Variants in CSMD3 observed in about 807,000 individuals in gnomAD.
The protein encoded by CSMD3 is CUB and Sushi multiple domains 3, also known as CUB and sushi domain-containing protein 3.
A neutral mutation model predicts 435.2 loss-of-function variants in CSMD3; 177 were observed. That is an observed-to-expected ratio of 0.41 (90% CI 0.36 to 0.46). CSMD3 has a LOEUF of 0.46. Among genes scored for constraint, CSMD3 ranks in the 20% least tolerant of loss-of-function variants. The pLI is 0.34. For missense variants in CSMD3, 4,265 were observed against 4,504.6 expected, an observed-to-expected ratio of 0.95 and a Z score of 1.52; for synonymous variants, 1,656 against 1,520.5, an observed-to-expected ratio of 1.09 and a Z score of -2.07.
At chr8:113,047,961 A>C (rs2087908152) in intron 5 of CSMD3, among the ~76,000 whole-genome samples, 1 of 151,946 alleles carries the variant, frequency 6.6e-6, no homozygotes, top group South Asian at 2.1e-4. Context: ...ATCTTGTTTT[A>C]TATGTATGCT....
chr8:112,572,433 T>A (rs1829606461), intron 24 of CSMD3, among the ~76,000 whole-genome samples: 1 of 152,098 alleles, frequency 6.6e-6, no homozygotes. Context: ...TGTATTCTCT[T>A]GTCTACTATT....
At chr8:112,282,680 C>A (rs1818777249) in intron 58 of CSMD3, among the ~76,000 whole-genome samples, 2 of 152,004 alleles carry the variant, frequency 1.3e-5, no homozygotes, top group Admixed American at 1.3e-4. Flanking sequence ...ACACAAATTT[C>A]TCCTATCCAG....
At position 112,383,596 on chromosome 8, in the gene CSMD3, T is replaced by C; in HGVS notation, c.6002A>G (p.Asn2001Ser). The C allele has an allele frequency of 6.2e-7, 1 of 1,602,382 alleles. No homozygotes were observed. The highest frequency in any genetic ancestry group is 8.6e-7 in the Non-Finnish European group (1 of 1,169,382). ...DSLDFYDGGD[N>S]NAPRLGSYSG... is the part of the protein sequence containing the mutation. ...ATAGCTTCCAAGTCTTGGAGCATTGTTGTCTCCCCCATCATAAAAGTCCAG... is the reference window on the plus strand; with the variant it reads ...ATAGCTTCCAAGTCTTGGAGCATTGCTGTCTCCCCCATCATAAAAGTCCAG... Residue 2001 changes from asparagine to serine, a missense_variant, in exon 37 of 71, where the codon AAC (asparagine) becomes AGC (serine). By Grantham distance (46) the Asn-to-Ser change is conservative. Around this residue, in one of 3 missense-constraint regions of CSMD3, gnomAD observed 3,255 missense variants for 3,380.2 expected, o/e 0.96. Coordinates refer to ENST00000297405, the MANE Select transcript of CSMD3 (RefSeq NM_198123.2).
At chr8:112,885,675 C>A (rs1400566502) in intron 10 of CSMD3, among the ~76,000 whole-genome samples, 2 of 151,632 alleles carry the variant, frequency 1.3e-5, no homozygotes, top group African/African-American at 4.8e-5. Flanking sequence ...TGGGTTTTTG[C>A]TTGTTTGTTT....
intron 22 of CSMD3, among the ~76,000 whole-genome samples, chr8:112,602,392 C>T (rs1202573306): frequency 1.3e-5 from 2 of 151,818 alleles, no homozygotes; most frequent in Admixed American, 1.3e-4. Context: ...ATAGTGAAAC[C>T]CTGTCTCTAC....
At chr8:113,116,147 T>C (rs2090820943) in intron 4 of CSMD3, among the ~76,000 whole-genome samples, 2 of 152,152 alleles carry the variant, frequency 1.3e-5, no homozygotes, top group Non-Finnish European at 2.9e-5. Flanking sequence ...CATAATTTAT[T>C]TCTACAGGGA....
intron 12 of CSMD3, among the ~76,000 whole-genome samples, chr8:112,801,289 G>A (rs2132334943): frequency 6.6e-6 from 1 of 152,056 alleles, no homozygotes; most frequent in Non-Finnish European, 1.5e-5. Flanking sequence ...ACCAGCAGAG[G>A]GCAGTGTAGT....
chr8:113,382,875 G>T (rs2094422815), intron 1 of CSMD3, among the ~76,000 whole-genome samples: 1 of 152,128 alleles, frequency 6.6e-6, no homozygotes, highest in South Asian at 2.1e-4. Flanking sequence ...CAGCTACTTG[G>T]GAGGCTGAGG....
intron 8 of CSMD3, among the ~76,000 whole-genome samples, chr8:112,948,989 A>C (rs2083712738): frequency 6.6e-6 from 1 of 152,004 alleles, no homozygotes; most frequent in Non-Finnish European, 1.5e-5. Context: ...AGTTCACTGT[A>C]GCTTTGGAAT....
chr8:113,327,618 C>T (rs1206007805), intron 1 of CSMD3, among the ~76,000 whole-genome samples: 9 of 152,082 alleles, frequency 5.9e-5, no homozygotes, highest in South Asian at 4.1e-4. Flanking sequence ...TTTGGTGCTC[C>T]TCAACGCATT....
chr8:113,357,310 T>C (rs936495033), intron 1 of CSMD3, among the ~76,000 whole-genome samples: 2 of 152,176 alleles, frequency 1.3e-5, no homozygotes. Flanking sequence ...AACTAAAGCT[T>C]AGAAAATGAA....
At chr8:113,209,133 G>T (rs536510243) in intron 3 of CSMD3, among the ~76,000 whole-genome samples, 2 of 152,038 alleles carry the variant, frequency 1.3e-5, no homozygotes, top group East Asian at 3.9e-4. Flanking sequence ...TATTTCAAAG[G>T]AACAAAGATA....
At chr8:113,329,811 CAA>C (rs1317457058) in intron 1 of CSMD3, among the ~76,000 whole-genome samples, 2 of 151,646 alleles carry the variant, frequency 1.3e-5, no homozygotes, top group Non-Finnish European at 1.5e-5. Context: ...AGGAATGAAA[CAA>C]GAGAACGTTA....
At chr8:112,405,969 C>T (rs962692723) in intron 35 of CSMD3, among the ~76,000 whole-genome samples, 2 of 151,974 alleles carry the variant, frequency 1.3e-5, no homozygotes, top group Non-Finnish European at 2.9e-5. Flanking sequence ...TTTGATAGCA[C>T]AACAGTGTGA....
chr8:112,871,326 A>G (rs2081129020), intron 10 of CSMD3, among the ~76,000 whole-genome samples: 1 of 152,224 alleles, frequency 6.6e-6, no homozygotes, highest in Non-Finnish European at 1.5e-5. Context: ...AAGTATTTCC[A>G]AAGTTTTAAA....
At chr8:113,197,295 CTATA>C (rs57906563) in intron 3 of CSMD3, among the ~76,000 whole-genome samples, 2 of 149,036 alleles carry the variant, frequency 1.3e-5, no homozygotes, top group Non-Finnish European at 3.0e-5. Flanking sequence ...TGCCTTCAGC[CTATA>C]TATATATATA....
rs143751458 is a variant in CSMD3 at position 113,101,815 on chromosome 8, C to T, written c.710-2852G>A. On this transcript the variant is annotated intron_variant, in intron 4 of 70. Coordinates refer to ENST00000297405, the MANE Select transcript of CSMD3 (RefSeq NM_198123.2). ...ACAGAGACTATCATAGAATCAGTAT[C>T]TGACAAAATGGTGAAATAGGTAAAC... Among the ~76,000 whole-genome samples, 682 of 151,946 alleles carry T rather than the reference C, an allele frequency of 4.5e-3. 2 individuals carry two copies. Among genetic ancestry groups the T allele is most frequent in the Non-Finnish European group, 7.1e-3 (481 of 67,958 alleles).
intron 23 of CSMD3, among the ~76,000 whole-genome samples, chr8:112,581,083 T>C (rs6469423): frequency 0.6 from 90,848 of 151,980 alleles, 28,133 homozygotes; most frequent in African/African-American, 0.76. Flanking sequence ...GGGGCAGGCA[T>C]TGTGCTGAGT....
At chr8:112,299,701 C>A (rs1407691726) in intron 53 of CSMD3, among the ~76,000 whole-genome samples, 2 of 152,098 alleles carry the variant, frequency 1.3e-5, no homozygotes, top group Non-Finnish European at 2.9e-5. Flanking sequence ...CTAAAAGTGT[C>A]TGAGGTTACA....
Sources: gnomAD v4.1 joint callset for allele counts (sites outside exome capture counted in the v4.1 genomes callset) on GRCh38, gnomAD v4.1.1 for gene constraint, gnomAD v4.1.1 regional missense constraint, MANE v1.5 for transcripts, NCBI Gene and HGNC (gene_info 2026-07-23, HGNC 2026-07-21) for gene names.